ECPAS: variants seen among roughly 807,000 people sequenced by gnomAD.
ECPAS encodes proteasome adapter and scaffold protein ECM29.
A neutral mutation model predicts 255.1 loss-of-function variants in ECPAS; 70 were observed. The ratio of observed to expected loss-of-function variants is 0.27; its 90% CI spans 0.23 to 0.33. ECPAS has a LOEUF of 0.33. Among genes scored for constraint, ECPAS ranks in the 10% least tolerant of loss-of-function variants. ECPAS has a pLI of 1.00. For missense variants in ECPAS, 1,817 were observed against 2,206.4 expected, an observed-to-expected ratio of 0.82 and a Z score of 3.54; for synonymous variants, 784 against 775.0, an observed-to-expected ratio of 1.01 and a Z score of -0.19.
chr9:111,432,825 C>T (rs2098232134), intron 8 of ECPAS, among the ~76,000 whole-genome samples: 1 of 152,120 alleles, frequency 6.6e-6, no homozygotes, highest in African/African-American at 2.4e-5. Flanking sequence ...TTCAGCAACT[C>T]TTTTCATGAA....
At position 111,484,344 on chromosome 9, in the gene ECPAS, C is replaced by T; in HGVS notation, c.-311G>A. The T allele has an allele frequency of 1.2e-6, 2 of 1,608,844 alleles. No homozygotes were observed. The highest frequency in any genetic ancestry group is 1.7e-6 in the Non-Finnish European group (2 of 1,178,438). ...GGCTGTCACGTTGGCTGGGCCCGAC[C>T]TGGGGAAACACGCCTGTCCAAAGGA... is the stretch of plus-strand genomic sequence containing the variant. On this transcript the variant is annotated 5_prime_UTR_variant, in exon 1 of 50. Coordinates refer to ENST00000684092, the MANE Select transcript of ECPAS (RefSeq NM_001364929.1).
intron 8 of ECPAS, 147 bp from the exon 9 acceptor site, chr9:111,430,775 G>A: frequency 4.6e-6 from 3 of 658,384 alleles, no homozygotes; most frequent in Admixed American, 6.0e-5. Context: ...TAGAAGAGAA[G>A]GAAAAGAAAG....
intron 20 of ECPAS, among the ~76,000 whole-genome samples, chr9:111,412,405 T>C (rs895959375): frequency 2.0e-5 from 3 of 152,062 alleles, no homozygotes; most frequent in Non-Finnish European, 4.4e-5. Context: ...CAAACTTCTG[T>C]AAAAAAACAA....
intron 21 of ECPAS, 113 bp from the exon 22 acceptor site, chr9:111,411,255 A>C: frequency 9.1e-7 from 1 of 1,104,598 alleles, no homozygotes; most frequent in Non-Finnish European, 1.3e-6. Context: ...CATAAGGCTA[A>C]AGAATAAAGT....
At chr9:111,414,785 G>T in intron 18 of ECPAS, 134 bp from the exon 19 acceptor site, 1 of 746,222 alleles carries the variant, frequency 1.3e-6, no homozygotes, top group Non-Finnish European at 2.0e-6. Flanking sequence ...CCTCATGGAA[G>T]GCAGAAAATA....
At chr9:111,435,910 G>T (rs1283509109) in intron 7 of ECPAS, among the ~76,000 whole-genome samples, 2 of 141,562 alleles carry the variant, frequency 1.4e-5, no homozygotes, top group African/African-American at 5.3e-5. Context: ...GGATGGTCTC[G>T]ATCTCCTGAC....
At chr9:111,419,267 C>A (rs929869360) in intron 16 of ECPAS, among the ~76,000 whole-genome samples, 1 of 151,764 alleles carries the variant, frequency 6.6e-6, no homozygotes, top group Non-Finnish European at 1.5e-5. Flanking sequence ...TCCCTGATAA[C>A]AAAAAAGAAA....
At chr9:111,481,137 T>C (rs1265010903) in intron 1 of ECPAS, among the ~76,000 whole-genome samples, 1 of 152,134 alleles carries the variant, frequency 6.6e-6, no homozygotes, top group Non-Finnish European at 1.5e-5. Flanking sequence ...TCGGCCAGGA[T>C]ATAGAGAAAT....
At chr9:111,444,324 T>C in intron 4 of ECPAS, 54 bp downstream of exon 4, 1 of 1,229,972 alleles carries the variant, frequency 8.1e-7, no homozygotes, top group South Asian at 1.3e-5. Flanking sequence ...ATCTAATAAA[T>C]GTTAGGAAAG....
chr9:111,362,880 G>A (rs1458169580), intron 49 of ECPAS, among the ~76,000 whole-genome samples: 4 of 152,114 alleles, frequency 2.6e-5, no homozygotes, highest in Admixed American at 6.5e-5. Context: ...GATGTTTAGC[G>A]TTACTCAGTC....
Position 111,375,138 on chromosome 9 carries a change from C to T in ECPAS, c.4085G>A (p.Arg1362Lys), listed in dbSNP as rs2098131901. 3 of 1,613,678 alleles carry T rather than the reference C, an allele frequency of 1.9e-6. No individual in the cohort carries two copies. Among genetic ancestry groups the T allele is most frequent in the East Asian group, 4.5e-5 (2 of 44,844 alleles). ...ELVPRLCELI[R>K]SGVGLGTKGG... ...CTTAGTTCCAAGACCTACACCACTT[C>T]TGATCAGTTCACACAACCTAGGAAC... Residue 1362 changes from arginine (R) to lysine (K), a missense_variant, in exon 38 of 50, where the codon AGA becomes AAA. Around this residue, in one of 4 missense-constraint regions of ECPAS, gnomAD observed 960 missense variants for 1,179.0 expected, o/e 0.81. Transcript: ENST00000684092.
intron 2 of ECPAS, among the ~76,000 whole-genome samples, chr9:111,452,817 C>A (rs2098262084): frequency 6.6e-6 from 1 of 152,116 alleles, no homozygotes; most frequent in Admixed American, 6.5e-5. Flanking sequence ...ACCTAACACC[C>A]AGAATTGATC....
intron 24 of ECPAS, among the ~76,000 whole-genome samples, chr9:111,405,202 G>A (rs1447518084): frequency 6.7e-6 from 1 of 149,572 alleles, no homozygotes; most frequent in Admixed American, 6.6e-5. Context: ...CATGAAACTG[G>A]CATAAAAACA....
chr9:111,455,336 T>C (rs1369761864), intron 2 of ECPAS, among the ~76,000 whole-genome samples: 1 of 152,100 alleles, frequency 6.6e-6, no homozygotes, highest in Non-Finnish European at 1.5e-5. Flanking sequence ...TTCAAAAAAT[T>C]AGCCGGGCGT....
chr9:111,394,510 A>C (rs2098164867), intron 25 of ECPAS, among the ~76,000 whole-genome samples: 1 of 152,208 alleles, frequency 6.6e-6, no homozygotes, highest in East Asian at 1.9e-4. Context: ...AAGGTACTCG[A>C]GTAACTTTTT....
chr9:111,413,786 G>C (rs1405810978), intron 20 of ECPAS, 109 bp downstream of exon 20: 8 of 553,880 alleles, frequency 1.4e-5, no homozygotes, highest in Non-Finnish European at 2.4e-5. Context: ...TTTTCAAAAC[G>C]ACCTAAAGGC....
At chr9:111,445,454 T>C (rs2098251623) in intron 3 of ECPAS, among the ~76,000 whole-genome samples, 1 of 151,360 alleles carries the variant, frequency 6.6e-6, no homozygotes, top group South Asian at 2.1e-4. Flanking sequence ...AAGACAAAAG[T>C]ATCTGCTATA....
intron 3 of ECPAS, among the ~76,000 whole-genome samples, chr9:111,445,488 G>A (rs1305187011): frequency 1.3e-5 from 2 of 151,962 alleles, no homozygotes; most frequent in Non-Finnish European, 2.9e-5. Flanking sequence ...CACGGAGGAA[G>A]TGACAGGAAC....
chr9:111,372,864 T>C (rs1564498128), intron 41 of ECPAS, among the ~76,000 whole-genome samples: 1 of 152,014 alleles, frequency 6.6e-6, no homozygotes. Context: ...AAACCCCACC[T>C]ATACAAAAAA....
Sources: allele counts gnomAD v4.1 joint callset (sites outside exome capture counted in the v4.1 genomes callset), GRCh38; gene constraint gnomAD v4.1.1; regional missense constraint gnomAD v4.1.1; transcripts MANE v1.5; gene names NCBI Gene and HGNC (gene_info 2026-07-23, HGNC 2026-07-21).